The following PXDNL variants were observed in gnomAD, a reference collection of about 807,000 sequenced individuals.
PXDNL encodes the protein peroxidasin like.
A neutral mutation model predicts 150.8 loss-of-function variants in PXDNL; 145 were observed. The observed-to-expected ratio is 0.96, with a 90% CI of 0.84 to 1.10. PXDNL has a LOEUF of 1.10. Among genes scored for constraint, PXDNL ranks in the 50% least tolerant of loss-of-function variants. PXDNL has a pLI of 0.00. For synonymous variants in PXDNL, 757 were observed against 725.7 expected, an observed-to-expected ratio of 1.04 and a Z score of -0.69; for missense variants, 2,087 against 1,873.9, an observed-to-expected ratio of 1.11 and a Z score of -2.10.
At chr8:51,511,947 G>A (rs1811430163) in intron 4 of PXDNL, among the ~76,000 whole-genome samples, 1 of 152,272 alleles carries the variant, frequency 6.6e-6, no homozygotes, top group African/African-American at 2.4e-5. Context: ...CCAAGTTACT[G>A]GCTAAAAGAC....
chr8:51,329,656 A>G (rs76381777), intron 21 of PXDNL, among the ~76,000 whole-genome samples: 4,799 of 152,330 alleles, frequency 0.032, 243 homozygotes, highest in African/African-American at 0.11. Context: ...AACATTCAGG[A>G]AAACATGGGT....
intron 5 of PXDNL, among the ~76,000 whole-genome samples, chr8:51,497,940 C>T (rs1811093247): frequency 6.6e-6 from 1 of 152,000 alleles, no homozygotes; most frequent in African/African-American, 2.4e-5. Flanking sequence ...GGTATATACC[C>T]AAAGGATTAT....
chr8:51,380,245 A>C (rs1807492410), intron 17 of PXDNL, among the ~76,000 whole-genome samples: 1 of 152,316 alleles, frequency 6.6e-6, no homozygotes, highest in South Asian at 2.1e-4. Context: ...AGGTTGGACA[A>C]GTTTGCTTTA....
chr8:51,692,723 AACT>A (rs1816028584), intron 1 of PXDNL, among the ~76,000 whole-genome samples: 1 of 152,234 alleles, frequency 6.6e-6, no homozygotes, highest in African/African-American at 2.4e-5. Context: ...CTAATTTCTT[AACT>A]ATGATTAAAC....
chr8:51,413,101 A>T (rs372806886), intron 15 of PXDNL, 49 bp downstream of exon 15: 39 of 1,144,308 alleles, frequency 3.4e-5, no homozygotes, highest in Non-Finnish European at 4.8e-5. Flanking sequence ...AAAACTAAGT[A>T]GAACAGAAAT....
chr8:51,402,904 TACACACAC>T (rs55768775), intron 17 of PXDNL, among the ~76,000 whole-genome samples: 593 of 145,804 alleles, frequency 4.1e-3, no homozygotes, highest in Non-Finnish European at 5.3e-3. Context: ...CTACTAAAAA[TACACACAC>T]ACACACACAC....
intron 1 of PXDNL, among the ~76,000 whole-genome samples, chr8:51,663,851 T>C (rs1815326120): frequency 6.6e-6 from 1 of 152,000 alleles, no homozygotes; most frequent in African/African-American, 2.4e-5. Context: ...CAGGAGTTCA[T>C]GACCAGCCTG....
chr8:51,383,943 G>T (rs1176296070), intron 17 of PXDNL, among the ~76,000 whole-genome samples: 2 of 152,146 alleles, frequency 1.3e-5, no homozygotes. Context: ...ATCTTTTCAG[G>T]GTTATACATG....
At chr8:51,336,009 G>A (rs1436064540) in intron 21 of PXDNL, among the ~76,000 whole-genome samples, 1 of 152,136 alleles carries the variant, frequency 6.6e-6, no homozygotes, top group Non-Finnish European at 1.5e-5. Context: ...TCAACAGTGT[G>A]AAATGTCAAG....
chr8:51,433,673 A>G (rs1016369735), intron 12 of PXDNL, among the ~76,000 whole-genome samples: 1 of 152,146 alleles, frequency 6.6e-6, no homozygotes, highest in Non-Finnish European at 1.5e-5. Flanking sequence ...CATCATTTTC[A>G]CTTTTCCAAT....
intron 1 of PXDNL, among the ~76,000 whole-genome samples, chr8:51,679,469 T>C (rs146707085): frequency 1.3e-5 from 2 of 152,316 alleles, no homozygotes; most frequent in African/African-American, 4.8e-5. Flanking sequence ...CATTTGTAAA[T>C]AGGAGTAGGA....
At chr8:51,586,467 TGA>T (rs1813325196) in intron 3 of PXDNL, among the ~76,000 whole-genome samples, 1 of 152,158 alleles carries the variant, frequency 6.6e-6, no homozygotes. Context: ...CAGCAAAAGC[TGA>T]GAGAGTGGAC....
intron 2 of PXDNL, among the ~76,000 whole-genome samples, chr8:51,595,890 A>T (rs1213750976): frequency 6.6e-6 from 1 of 152,096 alleles, no homozygotes; most frequent in Admixed American, 6.6e-5. Context: ...AAAGAATATA[A>T]ATTTATTATT....
At chr8:51,629,024 G>T (rs1229795321) in intron 2 of PXDNL, among the ~76,000 whole-genome samples, 1 of 152,000 alleles carries the variant, frequency 6.6e-6, no homozygotes, top group Non-Finnish European at 1.5e-5. Context: ...AGGCACTAAT[G>T]AAAATTGTCC....
chr8:51,496,838 G>A (rs1042383945), intron 5 of PXDNL, among the ~76,000 whole-genome samples: 7 of 152,084 alleles, frequency 4.6e-5, no homozygotes, highest in South Asian at 4.1e-4. Flanking sequence ...AAGAATCAAT[G>A]TCATGAAAAT....
intron 2 of PXDNL, among the ~76,000 whole-genome samples, chr8:51,644,044 G>A (rs557601116): frequency 1.6e-4 from 24 of 151,824 alleles, no homozygotes; most frequent in Non-Finnish European, 2.6e-4. Flanking sequence ...TACTGGGGAG[G>A]CTGAGGCAGG....
intron 21 of PXDNL, among the ~76,000 whole-genome samples, chr8:51,325,290 C>A (rs1283499113): frequency 6.6e-6 from 1 of 152,200 alleles, no homozygotes; most frequent in African/African-American, 2.4e-5. Context: ...GTATTGAAAC[C>A]TGGAGGTTTT....
At chr8:51,797,562 C>G (rs746315032) in intron 1 of PXDNL, among the ~76,000 whole-genome samples, 6 of 152,106 alleles carry the variant, frequency 3.9e-5, no homozygotes, top group Non-Finnish European at 5.9e-5. Context: ...CATGAATAAA[C>G]TCCCATTCAC....
chr8:51,475,472 C>T (rs1024952175), intron 6 of PXDNL, among the ~76,000 whole-genome samples: 1 of 152,094 alleles, frequency 6.6e-6, no homozygotes, highest in African/African-American at 2.4e-5. Context: ...AGAATTAAAA[C>T]TGTAAGTATG....
Sources: gnomAD v4.1 joint callset for allele counts (sites outside exome capture counted in the v4.1 genomes callset) on GRCh38, gnomAD v4.1.1 for gene constraint, MANE v1.5 for transcripts, NCBI Gene and HGNC (gene_info 2026-07-23, HGNC 2026-07-21) for gene names.